Variants in TTYH3 observed in about 807,000 individuals in gnomAD.
TTYH3 encodes tweety family member 3.
TTYH3 carries 23 observed loss-of-function variants against 68.2 expected under a neutral mutation model. The observed-to-expected ratio is 0.34, with a 90% CI of 0.24 to 0.48. The LOEUF is 0.48. TTYH3 is among the 20% of genes least tolerant of loss of function. The pLI is 0.99. For missense variants in TTYH3, 768 were observed against 727.7 expected (o/e 1.06, Z -0.64); for synonymous variants, 360 against 332.8 (o/e 1.08, Z -0.89).
chr7:2,652,724 C>G (rs1562716417), intron 8 of TTYH3, 194 bp from the exon 9 acceptor site: 1 of 593,702 alleles, frequency 1.7e-6, no homozygotes, highest in Non-Finnish European at 3.0e-6. Context: ...CTGTTACCAC[C>G]TCAGGGCTCT....
At chr7:2,637,108 G>A (rs770101632) in intron 1 of TTYH3, among the ~76,000 whole-genome samples, 271 of 152,054 alleles carry the variant, frequency 1.8e-3, no homozygotes, top group Non-Finnish European at 3.5e-3. Context: ...CGGGACCCCC[G>A]CCTGCCCCCC....
intron 1 of TTYH3, among the ~76,000 whole-genome samples, chr7:2,632,505 A>T (rs1308532819): frequency 1.3e-5 from 2 of 151,618 alleles, no homozygotes; most frequent in Non-Finnish European, 2.9e-5. Context: ...CAAAGGTCTA[A>T]ATACCCTCCA....
chr7:2,654,133 G>C (rs1226538326), intron 9 of TTYH3, among the ~76,000 whole-genome samples: 1 of 152,206 alleles, frequency 6.6e-6, no homozygotes, highest in East Asian at 1.9e-4. Flanking sequence ...CGGCACTCAT[G>C]CCTGTCATCT....
intron 13 of TTYH3, chr7:2,660,139 G>C: frequency 8.3e-7 from 1 of 1,211,092 alleles, no homozygotes; most frequent in South Asian, 1.5e-5. Flanking sequence ...ACTGAGCTGG[G>C]GCTCCATCTG....
chr7:2,651,849 G>C (rs1023300648), intron 7 of TTYH3, among the ~76,000 whole-genome samples: 1 of 152,168 alleles, frequency 6.6e-6, no homozygotes, highest in South Asian at 2.1e-4. Context: ...CTTGATGGGA[G>C]CCCAGACCCC....
intron 1 of TTYH3, 144 bp downstream of exon 1, chr7:2,632,422 A>G (rs1037163132): frequency 1.2e-6 from 1 of 842,012 alleles, no homozygotes; most frequent in Non-Finnish European, 1.7e-6. Context: ...CCTCGCAGGT[A>G]CCGGCCTCCT....
Position 2,647,478 on chromosome 7 carries a change from C to G in TTYH3, c.466C>G (p.Arg156Gly), listed in dbSNP as rs200994245. Residue 156 changes from arginine (R) to glycine (G), a missense_variant, in exon 4 of 14, where the codon CGG becomes GGG. Transcript: ENST00000258796. ...GGAGCCCAGCCTGCAGACCCTGGAG[C>G]GGCAGCTGGCCGGGCGGCCCGAGCC... is the stretch of plus-strand genomic sequence containing the variant. ...TAEPSLQTLE[R>G]QLAGRPEPLR... 1.6e-4 allele frequency: 238 copies of G among 1,535,270 alleles called. 1 individual carries two copies. The African/African-American group carries it at 2.9e-3, about 19-fold the overall frequency.
intron 11 of TTYH3, among the ~76,000 whole-genome samples, chr7:2,656,827 T>C (rs892572702): frequency 6.6e-6 from 1 of 152,226 alleles, no homozygotes; most frequent in Non-Finnish European, 1.5e-5. Flanking sequence ...CCAGACTGGC[T>C]CTGTGCCCTA....
intron 5 of TTYH3, among the ~76,000 whole-genome samples, chr7:2,649,132 T>C (rs1583567466): frequency 6.6e-6 from 1 of 152,042 alleles, no homozygotes. Context: ...GAGAGGCCAG[T>C]GCCGTAGCAA....
At position 2,661,906 on chromosome 7, in the gene TTYH3, G is replaced by A. The variant is rs1463506676; in HGVS notation, c.*167G>A. 3 of 716,388 alleles carry A rather than the reference G, an allele frequency of 4.2e-6. No homozygotes were observed. In the East Asian group the frequency reaches 8.1e-5, roughly 19 times the overall value. The allele number at this position is 716,388 out of a possible 1,614,324, so 44.4% of individuals were successfully genotyped here. On this transcript the variant is annotated 3_prime_UTR_variant, in exon 14 of 14. Transcript: ENST00000258796. ...TGTCCCCTCCCCGCAGGGGCACAGTGGAGACGCAGGGGCTCTGGGCCCGTA... is the reference window on the plus strand; with the variant it reads ...TGTCCCCTCCCCGCAGGGGCACAGTAGAGACGCAGGGGCTCTGGGCCCGTA...
chr7:2,651,539 G>C (rs1290414005), intron 7 of TTYH3, among the ~76,000 whole-genome samples: 2 of 152,066 alleles, frequency 1.3e-5, no homozygotes, highest in South Asian at 4.2e-4. Flanking sequence ...GCGGCCTTTG[G>C]GGGGATCTCA....
rs1786400810 is a variant in TTYH3 at position 2,658,461 on chromosome 7, TG to T, written c.1424+3del. On this transcript the variant is annotated splice_donor_region_variant and intron_variant, in intron 12 of 13. Coordinates refer to ENST00000258796, the MANE Select transcript of TTYH3 (RefSeq NM_025250.3). ...CAACGCCCCGGTCACTGAGTACATGTGAGTTGACGTGGGCCTAGTGGGGCCA... is the reference window on the plus strand; with the variant it reads ...CAACGCCCCGGTCACTGAGTACATGTAGTTGACGTGGGCCTAGTGGGGCCA... The T allele has an allele frequency of 6.2e-7, 1 of 1,605,738 alleles. No individual in the cohort carries two copies. The highest frequency in any genetic ancestry group is 1.3e-5 in the African/African-American group (1 of 74,810).
chr7:2,633,339 G>A (rs1785574038), intron 1 of TTYH3, among the ~76,000 whole-genome samples: 1 of 152,178 alleles, frequency 6.6e-6, no homozygotes, highest in South Asian at 2.1e-4. Context: ...TCAGAACTGC[G>A]TTGTCTGTGG....
At chr7:2,659,445 G>A (rs1220182261) in intron 13 of TTYH3, among the ~76,000 whole-genome samples, 1 of 152,202 alleles carries the variant, frequency 6.6e-6, no homozygotes, top group Non-Finnish European at 1.5e-5. Flanking sequence ...CTGGACCTGT[G>A]GGGTGCCACC....
intron 5 of TTYH3, chr7:2,648,263 G>T: frequency 1.8e-6 from 1 of 554,688 alleles, no homozygotes; most frequent in East Asian, 3.1e-5. Flanking sequence ...CAGCACACTT[G>T]CCCCCAGCCC....
intron 7 of TTYH3, among the ~76,000 whole-genome samples, chr7:2,650,261 G>A (rs1024559135): frequency 6.6e-6 from 1 of 152,230 alleles, no homozygotes; most frequent in African/African-American, 2.4e-5. Context: ...ATGCCCAGGG[G>A]AGGCCAAATG....
intron 13 of TTYH3, chr7:2,659,964 G>T: frequency 7.7e-7 from 1 of 1,303,832 alleles, no homozygotes; most frequent in African/African-American, 1.5e-5. Flanking sequence ...CCTGGACTCT[G>T]GCAGCCACGC....
Position 2,647,470 on chromosome 7 carries a change from C to T in TTYH3, c.458C>T (p.Thr153Ile), listed in dbSNP as rs1786029482. ...LNHTAEPSLQ[T>I]LERQLAGRPE... ...CACACGGCGGAGCCCAGCCTGCAGA[C>T]CCTGGAGCGGCAGCTGGCCGGGCGG... The change falls in exon 4 of 14, where the codon ACC becomes ATC. Residue 153 changes from threonine (T) to isoleucine (I), a missense_variant. By Grantham distance (89) the Thr-to-Ile change is moderately conservative. Transcript: ENST00000258796. The T allele has an allele frequency of 2.0e-6, 3 of 1,534,454 alleles. No homozygotes were observed. The highest frequency in any genetic ancestry group is 8.7e-7 in the Non-Finnish European group (1 of 1,144,276).
rs570626197 is a variant in TTYH3, at chr7:2,662,031, C to T, written c.*292C>T. 20 of 569,660 alleles carry T rather than the reference C, an allele frequency of 3.5e-5. 1 individual carries two copies. In the East Asian group the frequency reaches 4.7e-4, roughly 13 times the overall value. 35.3% of individuals were successfully genotyped at this position (569,660 alleles called of 1,614,324 possible). A position where few individuals can be genotyped will look rare whatever the true frequency, so the allele number is the denominator to read the frequency against. ...ACGCTCCCTCTGCAGATGGTCGCCG[C>T]ACCTACAAGCCCTGGCCGCACCCAA... On this transcript the variant is annotated 3_prime_UTR_variant, in exon 14 of 14. Coordinates refer to ENST00000258796, the MANE Select transcript of TTYH3 (RefSeq NM_025250.3).
Sources: gnomAD v4.1 joint callset for allele counts (sites outside exome capture counted in the v4.1 genomes callset) on GRCh38, gnomAD v4.1.1 for gene constraint, MANE v1.5 for transcripts, NCBI Gene and HGNC (gene_info 2026-07-23, HGNC 2026-07-21) for gene names.